The following CNBD2 variants were observed in gnomAD, a reference collection of about 807,000 sequenced individuals.
CNBD2 encodes the protein cyclic nucleotide-binding domain-containing protein 2.
A neutral mutation model predicts 63.7 loss-of-function variants in CNBD2; 64 were observed. The observed-to-expected ratio is 1.00, with a 90% confidence interval of 0.82 to 1.24. CNBD2 has a LOEUF of 1.24. Ranked by LOEUF, CNBD2 falls within the 50% of genes most tolerant of loss-of-function variation. The pLI is 0.00. For synonymous variants in CNBD2, 229 were observed against 255.4 expected, an observed-to-expected ratio of 0.90 and a Z score of 0.99; for missense variants, 691 against 713.5, an observed-to-expected ratio of 0.97 and a Z score of 0.36.
chr20:36,004,275 T>TTAA (rs2056954657), intron 8 of CNBD2, among the ~76,000 whole-genome samples: 1 of 152,170 alleles, frequency 6.6e-6, no homozygotes, highest in Non-Finnish European at 1.5e-5. Context: ...ATGTGCTGAT[T>TTAA]AATACTCAGC....
chr20:36,018,452 C>A (rs564424177), intron 10 of CNBD2, among the ~76,000 whole-genome samples: 1 of 152,224 alleles, frequency 6.6e-6, no homozygotes, highest in South Asian at 2.1e-4. Context: ...GTTAACATGA[C>A]CCCTTTGAAG....
intron 9 of CNBD2, among the ~76,000 whole-genome samples, chr20:36,010,725 T>C (rs540136488): frequency 6.6e-6 from 1 of 150,996 alleles, no homozygotes; most frequent in African/African-American, 2.4e-5. Flanking sequence ...ATCCCATCAG[T>C]GCACTCGAGC....
At position 36,008,185 on chromosome 20, in the gene CNBD2, C is replaced by T. The variant is rs1367993043; in HGVS notation, c.971-112C>T. The T allele has an allele frequency of 7.4e-6, 6 of 815,564 alleles. No homozygotes were observed. The South Asian group carries it at 1.2e-4, about 16-fold the overall frequency. The allele number at this position is 815,564 out of a possible 1,614,324, so 50.5% of individuals were successfully genotyped here. A position where few individuals can be genotyped will look rare whatever the true frequency, so the allele number is the denominator to read the frequency against. ...TTTCTTTTTTTTTTAAAAAATTTCC[C>T]CATGTGCTAGACCATCCAGGCAGGT... is the stretch of plus-strand genomic sequence containing the variant. On this transcript the variant is annotated intron_variant, in intron 8 of 11. Transcript: ENST00000373973.
chr20:35,990,730 C>A (rs1469854781), intron 7 of CNBD2, among the ~76,000 whole-genome samples: 1 of 152,146 alleles, frequency 6.6e-6, no homozygotes, highest in Non-Finnish European at 1.5e-5. Flanking sequence ...GCGGGTGGAT[C>A]ACTTGAGGCC....
chr20:35,957,297 C>G (rs1568835603), downstream of CNBD2, among the ~76,000 whole-genome samples: 1 of 152,146 alleles, frequency 6.6e-6, no homozygotes, highest in Non-Finnish European at 1.5e-5. Flanking sequence ...AAGATTGGCT[C>G]AGTAGTTGGC....
intron 11 of CNBD2, among the ~76,000 whole-genome samples, chr20:36,028,495 G>T (rs1335593690): frequency 1.3e-5 from 2 of 152,142 alleles, no homozygotes; most frequent in Non-Finnish European, 2.9e-5. Context: ...TGTGAATAGC[G>T]CAGGCTGGTT....
rs1209682380 is a variant in CNBD2 at position 36,014,319 on chromosome 20, T to TTTTC, written c.1269+3078_1269+3081dup. ...TAACACTTGGATCTTGGTTGGTTTC[T>TTTTC]TTTCTTTCTTTCTTTCTTTTTTTTT... On this transcript the variant is annotated intron_variant, in intron 10 of 11. Transcript: ENST00000373973. Among the ~76,000 whole-genome samples, 16 of 151,826 alleles carry TTTTC rather than the reference T, an allele frequency of 1.1e-4. No individual in the cohort carries two copies. The South Asian group carries it at 1.5e-3, about 14-fold the overall frequency.
intron 7 of CNBD2, among the ~76,000 whole-genome samples, chr20:35,993,103 G>A (rs1170612238): frequency 6.6e-6 from 1 of 151,790 alleles, no homozygotes; most frequent in African/African-American, 2.4e-5. Flanking sequence ...TGAGGAAACC[G>A]GGCTCATGTT....
intron 2 of CNBD2, among the ~76,000 whole-genome samples, chr20:35,960,849 C>T (rs13045113): frequency 6.9e-5 from 10 of 145,828 alleles, no homozygotes; most frequent in Non-Finnish European, 1.4e-4. Context: ...TTCTCTTCCC[C>T]TCTCTTCCCT....
chr20:35,995,816 G>A (rs1264367472), intron 8 of CNBD2, among the ~76,000 whole-genome samples: 2 of 152,128 alleles, frequency 1.3e-5, no homozygotes, highest in Admixed American at 6.6e-5. Flanking sequence ...TGGGTCATAT[G>A]GTATCTTAGT....
At chr20:35,970,338 G>C (rs372327190) in intron 1 of CNBD2, among the ~76,000 whole-genome samples, 1 of 152,040 alleles carries the variant, frequency 6.6e-6, no homozygotes, top group African/African-American at 2.4e-5. Flanking sequence ...TCTGTAGTTC[G>C]TTGTCTCACT....
intron 2 of CNBD2, chr20:35,973,301 A>G (rs2056449032): frequency 6.4e-6 from 1 of 156,360 alleles, no homozygotes; most frequent in Admixed American, 6.4e-5. Context: ...CACAATAACC[A>G]GGGTTTTCTA....
chr20:35,972,189 C>G (rs969788868), intron 1 of CNBD2, among the ~76,000 whole-genome samples: 2 of 152,188 alleles, frequency 1.3e-5, no homozygotes, highest in Admixed American at 6.5e-5. Context: ...GTGGGCCCTT[C>G]CTTCATCTTG....
chr20:35,956,541 G>A (rs1013637234), downstream of CNBD2, among the ~76,000 whole-genome samples: 2 of 152,198 alleles, frequency 1.3e-5, no homozygotes, highest in Middle Eastern at 3.2e-3. Flanking sequence ...CTCTCAGGTT[G>A]TTGCTTTATT....
chr20:35,981,316 T>C (rs1461843014), intron 4 of CNBD2, among the ~76,000 whole-genome samples: 1 of 152,188 alleles, frequency 6.6e-6, no homozygotes, highest in African/African-American at 2.4e-5. Flanking sequence ...CTAGTCATCT[T>C]TACTTCAGTG....
chr20:35,970,325 C>T (rs758917504), intron 1 of CNBD2, among the ~76,000 whole-genome samples: 1 of 152,052 alleles, frequency 6.6e-6, no homozygotes, highest in Non-Finnish European at 1.5e-5. Context: ...TATATTTTTC[C>T]AGTCTGTAGT....
At chr20:36,020,351 G>T (rs916787552) in intron 10 of CNBD2, among the ~76,000 whole-genome samples, 1 of 152,150 alleles carries the variant, frequency 6.6e-6, no homozygotes. Flanking sequence ...AAAGTGCTGG[G>T]ATTACAGGCA....
chr20:35,969,449 C>G (rs555287247), intron 1 of CNBD2, among the ~76,000 whole-genome samples: 4 of 146,978 alleles, frequency 2.7e-5, no homozygotes, highest in East Asian at 2.1e-4. Flanking sequence ...ATCCCATGCC[C>G]CTTTATTTCT....
intron 4 of CNBD2, among the ~76,000 whole-genome samples, chr20:35,981,205 C>T (rs544925151): frequency 3.5e-4 from 53 of 152,234 alleles, no homozygotes; most frequent in African/African-American, 1.2e-3. Context: ...TGTGGCTTGC[C>T]GTGACTTTCA....
Sources: gnomAD v4.1 joint callset for allele counts (sites outside exome capture counted in the v4.1 genomes callset) on GRCh38, gnomAD v4.1.1 for gene constraint, MANE v1.5 for transcripts, NCBI Gene and HGNC (gene_info 2026-07-23, HGNC 2026-07-21) for gene names.